The following ZSCAN5A variants were observed in gnomAD, a reference collection of about 807,000 sequenced individuals.
The protein encoded by ZSCAN5A is zinc finger and SCAN domain-containing protein 5A.
A neutral mutation model predicts 23.7 loss-of-function variants in ZSCAN5A; 12 were observed. The observed-to-expected ratio is 0.51, with a 90% CI of 0.32 to 0.82. ZSCAN5A has a LOEUF of 0.82. Among genes scored for constraint, ZSCAN5A ranks in the 40% least tolerant of loss-of-function variants. The probability of loss-of-function intolerance (pLI) is 0.03; values close to 1 mark genes in which losing one functional copy is unlikely to be tolerated. For missense variants in ZSCAN5A, 597 were observed against 617.9 expected, an observed-to-expected ratio of 0.97 and a Z score of 0.36; for synonymous variants, 257 against 239.9, an observed-to-expected ratio of 1.07 and a Z score of -0.66.
intron 2 of ZSCAN5A, among the ~76,000 whole-genome samples, chr19:56,362,905 T>C (rs2041743424): frequency 6.6e-6 from 1 of 151,134 alleles, no homozygotes; most frequent in African/African-American, 2.4e-5. Flanking sequence ...CAGCCAACGC[T>C]GAAGAACATG....
At chr19:56,361,817 T>C (rs1209498212) in intron 2 of ZSCAN5A, among the ~76,000 whole-genome samples, 12 of 152,014 alleles carry the variant, frequency 7.9e-5, no homozygotes, top group Admixed American at 5.2e-4. Context: ...CGCATTTACC[T>C]ATGTAACAAA....
intron 2 of ZSCAN5A, among the ~76,000 whole-genome samples, chr19:56,273,800 T>C (rs2038037874): frequency 6.6e-6 from 1 of 152,108 alleles, no homozygotes; most frequent in South Asian, 2.1e-4. Context: ...ATGTTGGATG[T>C]TATCCTCAGG....
chr19:56,287,467 A>C (rs960717082), intron 2 of ZSCAN5A, among the ~76,000 whole-genome samples: 9 of 151,992 alleles, frequency 5.9e-5, no homozygotes, highest in African/African-American at 2.2e-4. Context: ...CAAGCACAAT[A>C]ATTCAGTTCT....
At chr19:56,296,133 C>G (rs2039855822) in intron 2 of ZSCAN5A, 1 of 152,428 alleles carries the variant, frequency 6.6e-6, no homozygotes, top group South Asian at 2.1e-4. Context: ...GGAAAAGTAA[C>G]AGGCAGTTAA....
chr19:56,305,865 C>T (rs906535129), intron 2 of ZSCAN5A, among the ~76,000 whole-genome samples: 3 of 151,608 alleles, frequency 2.0e-5, no homozygotes, highest in African/African-American at 7.3e-5. Context: ...GTCAGATACA[C>T]AGAAAACAAG....
intron 2 of ZSCAN5A, among the ~76,000 whole-genome samples, chr19:56,260,457 G>A (rs1309521404): frequency 9.2e-5 from 14 of 151,856 alleles, no homozygotes; most frequent in Admixed American, 3.9e-4. Context: ...CAGGTGATCC[G>A]CCCGCCTCGG....
chr19:56,297,341 CTT>C (rs750529261), intron 2 of ZSCAN5A, among the ~76,000 whole-genome samples: 2 of 152,000 alleles, frequency 1.3e-5, no homozygotes, highest in Non-Finnish European at 2.9e-5. Flanking sequence ...GGTTTCTTTT[CTT>C]TTCCTTTCTT....
rs187541858 is a variant in ZSCAN5A at position 56,279,805 on chromosome 19, T to A, written c.-128+33478A>T. Reference sequence around the variant, plus strand: ...AATGCAAACATCTCATGATCCACACTGTTTTTGTTTCAATTTAAAATATTA... The same window carrying A: ...AATGCAAACATCTCATGATCCACACAGTTTTTGTTTCAATTTAAAATATTA... On this transcript the variant is annotated intron_variant, in intron 2 of 5. Transcript: ENST00000683990. Among the ~76,000 whole-genome samples the A allele has an allele frequency of 2.4e-3, 363 of 152,314 alleles. 6 individuals are homozygous for A. The highest frequency in any genetic ancestry group is 0.019 in the Admixed American group (284 of 15,302).
chr19:56,261,815 T>C (rs1025007492), intron 2 of ZSCAN5A, among the ~76,000 whole-genome samples: 2 of 152,202 alleles, frequency 1.3e-5, no homozygotes. Context: ...GCTATCACAA[T>C]TTTTCTTTAT....
At chr19:56,258,817 C>G (rs531732125) in intron 2 of ZSCAN5A, among the ~76,000 whole-genome samples, 2 of 152,254 alleles carry the variant, frequency 1.3e-5, no homozygotes, top group Non-Finnish European at 2.9e-5. Context: ...AGGGACATTG[C>G]GTGACTCCTG....
rs376782843 is a variant in ZSCAN5A at position 56,272,393 on chromosome 19, A to G, written c.-128+40890T>C. Among the ~76,000 whole-genome samples, 9 of 152,342 alleles carry G rather than the reference A, an allele frequency of 5.9e-5. No homozygotes were observed. The South Asian group carries it at 1.9e-3, about 32-fold the overall frequency. On this transcript the variant is annotated intron_variant, in intron 2 of 5. Transcript: ENST00000683990. ...GCCTGAAAGCTGCTGTAGACAATACATAGTGAAATGGCATGGCTGTGTTCC... is the reference window on the plus strand; with the variant it reads ...GCCTGAAAGCTGCTGTAGACAATACGTAGTGAAATGGCATGGCTGTGTTCC...
At chr19:56,242,226 C>G (rs1196372397) in intron 2 of ZSCAN5A, among the ~76,000 whole-genome samples, 2 of 152,140 alleles carry the variant, frequency 1.3e-5, no homozygotes, top group Non-Finnish European at 2.9e-5. Flanking sequence ...TGGGAACAGC[C>G]ACTCTAGCAG....
chr19:56,362,727 C>T (rs992485882), intron 2 of ZSCAN5A, among the ~76,000 whole-genome samples: 2 of 151,808 alleles, frequency 1.3e-5, no homozygotes, highest in African/African-American at 2.4e-5. Context: ...AAAAATTAGC[C>T]AGGTATAGTG....
chr19:56,361,808 G>A (rs145768077), intron 2 of ZSCAN5A, among the ~76,000 whole-genome samples: 4,118 of 152,034 alleles, frequency 0.027, 178 homozygotes, highest in African/African-American at 0.093. Context: ...ACCATGGCAC[G>A]CATTTACCTA....
intron 2 of ZSCAN5A, chr19:56,280,749 A>T (rs915524775): frequency 6.6e-6 from 1 of 152,226 alleles, no homozygotes; most frequent in African/African-American, 2.4e-5. Flanking sequence ...CAGAGAGCTC[A>T]GAGCTTCAAG....
intron 2 of ZSCAN5A, chr19:56,246,697 T>A (rs536423626): frequency 1.9e-6 from 2 of 1,032,966 alleles, no homozygotes; most frequent in Non-Finnish European, 2.9e-6. Flanking sequence ...AAATGTACCT[T>A]ATTAACTGTT....
chr19:56,221,637 A>G lies in ZSCAN5A; in HGVS notation c.1429T>C (p.Phe477Leu). 2 of 1,612,838 alleles carry G rather than the reference A, an allele frequency of 1.2e-6. No individual in the cohort carries two copies. The highest frequency in any genetic ancestry group is 1.7e-6 in the Non-Finnish European group (2 of 1,179,518). The change falls in exon 6 of 6, where the codon TTC becomes CTC. Residue 477 changes from phenylalanine (F) to leucine (L), a missense_variant. This residue lies in a region of ZSCAN5A where 87 missense variants were observed against 74.4 expected (regional missense o/e 1.17). Coordinates refer to ENST00000683990, the MANE Select transcript of ZSCAN5A (RefSeq NM_001322064.3). ...PYKCSKCPRA[F>L]SRLKLLRRHQ... ...CGTCTTAACAATTTCAGCCGACTGA[A>G]GGCTCTTGGACACTTGGAACATTTG...
chr19:56,345,970 A>G (rs1171774085), intron 2 of ZSCAN5A, among the ~76,000 whole-genome samples: 1 of 152,176 alleles, frequency 6.6e-6, no homozygotes, highest in East Asian at 1.9e-4. Flanking sequence ...TTGATAAGGA[A>G]AAACAGGTGT....
At chr19:56,299,384 C>T (rs1164017339) in intron 2 of ZSCAN5A, among the ~76,000 whole-genome samples, 5 of 151,750 alleles carry the variant, frequency 3.3e-5, no homozygotes, top group Non-Finnish European at 7.4e-5. Context: ...CCTCCCGCCT[C>T]AGATTCCCAA....
Sources: allele counts gnomAD v4.1 joint callset (sites outside exome capture counted in the v4.1 genomes callset), GRCh38; gene constraint gnomAD v4.1.1; regional missense constraint gnomAD v4.1.1; transcripts MANE v1.5; gene names NCBI Gene and HGNC (gene_info 2026-07-23, HGNC 2026-07-21).